The following SEZ6L variants were observed in gnomAD, a reference collection of about 807,000 sequenced individuals.
SEZ6L encodes seizure 6-like protein.
In SEZ6L, 37 loss-of-function variants were observed where a neutral mutation model predicts 106.2. That is an observed-to-expected ratio of 0.35 (90% CI 0.27 to 0.46). The LOEUF is 0.46. Among genes scored for constraint, SEZ6L ranks in the 20% least tolerant of loss-of-function variants. The probability of loss-of-function intolerance (pLI) is 1.00; values close to 1 mark genes in which losing one functional copy is unlikely to be tolerated. For synonymous variants in SEZ6L, 541 were observed against 570.4 expected, an observed-to-expected ratio of 0.95 and a Z score of 0.73; for missense variants, 1,172 against 1,332.8, an observed-to-expected ratio of 0.88 and a Z score of 1.88.
intron 13 of SEZ6L, among the ~76,000 whole-genome samples, chr22:26,370,223 A>C (rs1386298827): frequency 6.6e-6 from 1 of 152,096 alleles, no homozygotes; most frequent in African/African-American, 2.4e-5. Flanking sequence ...TCTACTAAAA[A>C]TACAAAAAAA....
chr22:26,327,347 A>G (rs2082341969), intron 9 of SEZ6L, among the ~76,000 whole-genome samples: 1 of 48,206 alleles, frequency 2.1e-5, no homozygotes, highest in Admixed American at 2.2e-4. Flanking sequence ...CACACACCAC[A>G]CACATGCCAC....
At chr22:26,339,427 A>G (rs942474598) in intron 9 of SEZ6L, among the ~76,000 whole-genome samples, 3 of 152,204 alleles carry the variant, frequency 2.0e-5, no homozygotes, top group Non-Finnish European at 4.4e-5. Flanking sequence ...GATCAATTTT[A>G]TCTAGCATGT....
At chr22:26,201,248 C>T (rs1353565740) in intron 1 of SEZ6L, among the ~76,000 whole-genome samples, 15 of 152,082 alleles carry the variant, frequency 9.9e-5, no homozygotes, top group Middle Eastern at 3.4e-3. Context: ...AGGCTGGGCA[C>T]GGTGGCTTAC....
rs1033020996 is a variant in SEZ6L at position 26,248,655 on chromosome 22, A to G, written c.95-43751A>G. 1.2e-4 allele frequency among the ~76,000 whole-genome samples: 18 copies of G among 152,248 alleles called. 1 individual carries two copies. Among genetic ancestry groups the G allele is most frequent in the Non-Finnish European group, 1.5e-5 (1 of 68,040 alleles). Reference sequence around the variant, plus strand: ...TACAATTCTGACTCTGACCTCATGCATCGAAGATCCTCTCTTGCCAACTTG... The same window carrying G: ...TACAATTCTGACTCTGACCTCATGCGTCGAAGATCCTCTCTTGCCAACTTG... On this transcript the variant is annotated intron_variant, in intron 1 of 16. Transcript: ENST00000248933.
rs772123641 is a variant in SEZ6L, at chr22:26,375,670, G to A, written c.2923G>A (p.Ala975Thr). Residue 975 changes from alanine (A) to threonine (T), a missense_variant, in exon 15 of 17, where the codon GCC becomes ACC. Physicochemically the swap from Ala to Thr is moderately conservative, Grantham distance 58. Transcript: ENST00000248933. ...CATCATCTCCTTACTGCTGGGAGGA[G>A]CCTACATTTACATCACAAGGTAGGG... ...VLIISLLLGG[A>T]YIYITRCRYY... 6.2e-7 allele frequency: 1 copy of A among 1,613,790 alleles called. No homozygotes were observed. Among genetic ancestry groups the A allele is most frequent in the South Asian group, 1.1e-5 (1 of 91,032 alleles).
At chr22:26,208,361 T>G (rs955420975) in intron 1 of SEZ6L, among the ~76,000 whole-genome samples, 5 of 152,258 alleles carry the variant, frequency 3.3e-5, no homozygotes, top group African/African-American at 1.2e-4. Flanking sequence ...CTAAAGAATT[T>G]CCTTTAGCTT....
chr22:26,282,897 A>C (rs1388612696), intron 1 of SEZ6L, among the ~76,000 whole-genome samples: 1 of 152,012 alleles, frequency 6.6e-6, no homozygotes, highest in African/African-American at 2.4e-5. Context: ...AAATGTGTAA[A>C]TCTTTTGGCT....
intron 1 of SEZ6L, among the ~76,000 whole-genome samples, chr22:26,270,463 GGTGTGTGTGT>G (rs60049781): frequency 4.1e-5 from 6 of 146,368 alleles, no homozygotes; most frequent in African/African-American, 7.6e-5. Flanking sequence ...AATTGTGAGG[GGTGTGTGTGT>G]GTGTGTGTGT....
chr22:26,358,870 C>T (rs1476116170), intron 12 of SEZ6L, among the ~76,000 whole-genome samples: 1 of 152,172 alleles, frequency 6.6e-6, no homozygotes, highest in Non-Finnish European at 1.5e-5. Flanking sequence ...GGATGCTGCT[C>T]AATATCCTCC....
rs988978058 is a variant in SEZ6L, at chr22:26,256,223, C to T, written c.95-36183C>T. 7.9e-5 allele frequency among the ~76,000 whole-genome samples: 12 copies of T among 152,052 alleles called. 1 individual carries two copies. The highest frequency in any genetic ancestry group is 2.4e-4 in the African/African-American group (10 of 41,394). ...AAGGCAGATAAGCTAGAGGGGTATT[C>T]GGGGATGCCAGGGACGTGTGCATGA... On this transcript the variant is annotated intron_variant, in intron 1 of 16. Transcript: ENST00000248933.
At chr22:26,242,670 A>G (rs1363807175) in intron 1 of SEZ6L, 1 of 152,240 alleles carries the variant, frequency 6.6e-6, no homozygotes, top group African/African-American at 2.4e-5. Context: ...TCGGATTAAC[A>G]TGAAACTTAC....
At chr22:26,284,416 G>A (rs2080863770) in intron 1 of SEZ6L, among the ~76,000 whole-genome samples, 1 of 152,092 alleles carries the variant, frequency 6.6e-6, no homozygotes, top group Non-Finnish European at 1.5e-5. Context: ...AGGCCAGCCT[G>A]GCCAACATGG....
At chr22:26,334,023 C>T (rs1210805708) in intron 9 of SEZ6L, among the ~76,000 whole-genome samples, 1 of 151,924 alleles carries the variant, frequency 6.6e-6, no homozygotes, top group Non-Finnish European at 1.5e-5. Context: ...AGGGACGGGG[C>T]AGGCGGCAAT....
Position 26,269,790 on chromosome 22 carries a change from C to T in SEZ6L, c.95-22616C>T, listed in dbSNP as rs142356458. On this transcript the variant is annotated intron_variant, in intron 1 of 16. Transcript: ENST00000248933. ...GCCTGGCATTAATCTCCCTTCCACT[C>T]GGCTACAAGGAATAGAGTCTACTGT... Among the ~76,000 whole-genome samples the T allele has an allele frequency of 1.6e-3, 243 of 152,316 alleles. 1 individual carries two copies. The highest frequency in any genetic ancestry group is 2.7e-3 in the Non-Finnish European group (185 of 68,028).
intron 1 of SEZ6L, among the ~76,000 whole-genome samples, chr22:26,201,553 T>C (rs1438657486): frequency 6.6e-6 from 1 of 151,804 alleles, no homozygotes; most frequent in Non-Finnish European, 1.5e-5. Context: ...AGAGCAAGAC[T>C]CCGTCTCAAA....
chr22:26,340,078 C>CA (rs375805143), intron 9 of SEZ6L, among the ~76,000 whole-genome samples: 7 of 151,868 alleles, frequency 4.6e-5, no homozygotes, highest in Non-Finnish European at 1.0e-4. Flanking sequence ...CTACTAAATA[C>CA]AAAAAAAATT....
rs1450502183 is a variant in SEZ6L, at chr22:26,297,100, G to A, written c.1162+20G>A. 1.3e-6 allele frequency: 2 copies of A among 1,560,376 alleles called. No individual in the cohort carries two copies. Among genetic ancestry groups the A allele is most frequent in the Non-Finnish European group, 1.7e-6 (2 of 1,150,574 alleles). ...ACCAGGGTAGGGTCAGGCCAAGGCT[G>A]ATGAAACATAGGCGTTTGCCTCAGT... On this transcript the variant is annotated intron_variant, in intron 4 of 16. Coordinates refer to ENST00000248933, the MANE Select transcript of SEZ6L (RefSeq NM_021115.5).
At position 26,294,434 on chromosome 22, in the gene SEZ6L, A is replaced by G; in HGVS notation, c.969+9A>G. 2 of 1,613,328 alleles carry G rather than the reference A, an allele frequency of 1.2e-6. No homozygotes were observed. Among genetic ancestry groups the G allele is most frequent in the Admixed American group, 1.7e-5 (1 of 60,000 alleles). On this transcript the variant is annotated intron_variant, in intron 3 of 16. Coordinates refer to ENST00000248933, the MANE Select transcript of SEZ6L (RefSeq NM_021115.5). ...ATGGGGTGGAGCTCCAGGTAACCCC[A>G]GGAGAGTACCTCACAGAGGCTGCCT...
chr22:26,335,680 A>G (rs570264823), intron 9 of SEZ6L, among the ~76,000 whole-genome samples: 43 of 152,222 alleles, frequency 2.8e-4, no homozygotes, highest in Non-Finnish European at 5.0e-4. Flanking sequence ...AACTAGACCC[A>G]GGAAACATAG....
Sources: allele counts gnomAD v4.1 joint callset (sites outside exome capture counted in the v4.1 genomes callset), GRCh38; gene constraint gnomAD v4.1.1; transcripts MANE v1.5; gene names NCBI Gene and HGNC (gene_info 2026-07-23, HGNC 2026-07-21).